Variants in KCTD18 observed in about 807,000 individuals in gnomAD.
KCTD18 encodes potassium channel tetramerization domain containing 18, also known as BTB/POZ domain-containing protein KCTD18.
A neutral mutation model predicts 30.4 loss-of-function variants in KCTD18; 22 were observed. That is an observed-to-expected ratio of 0.72 (90% confidence interval 0.52 to 1.03). The LOEUF (loss-of-function observed/expected upper bound fraction) is 1.03. KCTD18 is among the 50% of genes least tolerant of loss of function. The pLI is 0.00. For synonymous variants in KCTD18, 186 were observed against 209.0 expected, an observed-to-expected ratio of 0.89 and a Z score of 0.95; for missense variants, 529 against 547.6, an observed-to-expected ratio of 0.97 and a Z score of 0.34.
chr2:200,505,510 T>A (rs2030140321), intron 2 of KCTD18, among the ~76,000 whole-genome samples: 1 of 152,222 alleles, frequency 6.6e-6, no homozygotes, highest in African/African-American at 2.4e-5. Context: ...CTGAGATCCA[T>A]TTAGAACTTT....
chr2:200,501,040 T>C (rs1186598298), intron 3 of KCTD18, among the ~76,000 whole-genome samples: 1 of 151,836 alleles, frequency 6.6e-6, no homozygotes, highest in Non-Finnish European at 1.5e-5. Context: ...GGAGAAAGGA[T>C]TCCCTATTTA....
intron 1 of KCTD18, among the ~76,000 whole-genome samples, chr2:200,509,426 G>C (rs1463791952): frequency 6.6e-6 from 1 of 152,020 alleles, no homozygotes. Context: ...GCAGCACCCC[G>C]ATCCCGAGGA....
intron 4 of KCTD18, 47 bp downstream of exon 4, chr2:200,498,844 G>A: frequency 6.5e-7 from 1 of 1,538,534 alleles, no homozygotes; most frequent in Non-Finnish European, 9.0e-7. Context: ...TCTTAAAAGA[G>A]ACCAAGACTT....
intron 2 of KCTD18, among the ~76,000 whole-genome samples, chr2:200,505,339 G>A (rs898111708): frequency 6.6e-6 from 1 of 152,158 alleles, no homozygotes; most frequent in African/African-American, 2.4e-5. Context: ...GGGCAAGAGA[G>A]GCTAAAACCA....
chr2:200,505,862 T>TAA (rs145865034), intron 2 of KCTD18, among the ~76,000 whole-genome samples: 3 of 145,272 alleles, frequency 2.1e-5, no homozygotes, highest in Non-Finnish European at 4.5e-5. Context: ...TTAGCAGAAT[T>TAA]AAAAAAAAAA....
chr2:200,507,938 T>C (rs1010529518), intron 1 of KCTD18, among the ~76,000 whole-genome samples: 3 of 152,172 alleles, frequency 2.0e-5, no homozygotes, highest in Non-Finnish European at 4.4e-5. Flanking sequence ...CCTTCCGAAG[T>C]GCTGAGTATA....
rs1282676953 is a variant in KCTD18, at chr2:200,493,174, C to T, written c.762G>A (p.Lys254=). The T allele has an allele frequency of 6.3e-7, 1 of 1,592,742 alleles. No individual in the cohort carries two copies. The highest frequency in any genetic ancestry group is 1.7e-5 in the Admixed American group (1 of 60,006). ...ATAAACAACACAGCATAGATAACCT[C>T]TTTCGAATTGGAGCCATGTGACGCA... ...GSLRHMAPIR[K]RRLITFNEAD... Residue 254 remains lysine, a splice_region_variant and synonymous_variant, in exon 6 of 7, where the codon AAG becomes AAA. Transcript: ENST00000359878.
rs1001230096 is a variant in KCTD18 at position 200,509,951 on chromosome 2, C to A, written c.-399G>T. On this transcript the variant is annotated 5_prime_UTR_variant, in exon 1 of 7. Transcript: ENST00000359878. ...GCCGCCTTCCGGGCCCGCGGCCCAT[C>A]CCGCGCCCGGCTCTTCCGCACCGGG... 2.0e-5 allele frequency: 3 copies of A among 151,042 alleles called. No homozygotes were observed. Among genetic ancestry groups the A allele is most frequent in the Non-Finnish European group, 3.0e-5 (2 of 67,590 alleles). The allele number at this position is 151,042 out of a possible 1,614,324, so 9.4% of individuals were successfully genotyped here.
Position 200,490,560 on chromosome 2 carries a change from T to C in KCTD18, c.821A>G (p.Lys274Arg), listed in dbSNP as rs2087899516. 3 of 1,601,330 alleles carry C rather than the reference T, an allele frequency of 1.9e-6. No individual in the cohort carries two copies. The highest frequency in any genetic ancestry group is 2.5e-6 in the Non-Finnish European group (3 of 1,179,952). ...GGAAGGGCCCAAAAATCTAACTGGCTTAGGACCAGTCTTATAGTTCACACT... is the reference window on the plus strand; with the variant it reads ...GGAAGGGCCCAAAAATCTAACTGGCCTAGGACCAGTCTTATAGTTCACACT... ...DESVNYKTGP[K>R]PVRFLGPSTS... Residue 274 changes from lysine to arginine, a missense_variant, in exon 7 of 7, where the codon AAG (lysine) becomes AGG (arginine). Transcript: ENST00000359878.
Position 200,493,292 on chromosome 2 carries a change from A to C in KCTD18, c.662-18T>G. 7.1e-7 allele frequency: 1 copy of C among 1,417,140 alleles called. No homozygotes were observed. The highest frequency in any genetic ancestry group is 1.1e-5 in the South Asian group (1 of 87,068). 87.8% of individuals were successfully genotyped at this position (1,417,140 alleles called of 1,614,324 possible). A position where few individuals can be genotyped will look rare whatever the true frequency, so the allele number is the denominator to read the frequency against. ...GCTAACACCTGGAAGGTAAAAAGAC[A>C]TAATTAAGACAGCTACCATCCACTG... is the stretch of plus-strand genomic sequence containing the variant. On this transcript the variant is annotated intron_variant, in intron 5 of 6. Transcript: ENST00000359878.
At chr2:200,494,450 T>C (rs2087967833) in intron 5 of KCTD18, among the ~76,000 whole-genome samples, 1 of 152,214 alleles carries the variant, frequency 6.6e-6, no homozygotes, top group Non-Finnish European at 1.5e-5. Flanking sequence ...TGGAGTAATC[T>C]AAGTCCCAAT....
chr2:200,502,378 C>T (rs898183832), intron 3 of KCTD18, among the ~76,000 whole-genome samples: 3 of 151,890 alleles, frequency 2.0e-5, no homozygotes, highest in African/African-American at 7.3e-5. Flanking sequence ...GAGTAATTTC[C>T]CCAAAATTTC....
At chr2:200,494,248 T>C (rs1454988079) in intron 5 of KCTD18, among the ~76,000 whole-genome samples, 3 of 152,272 alleles carry the variant, frequency 2.0e-5, no homozygotes, top group East Asian at 3.9e-4. Flanking sequence ...GGGGTTCCTT[T>C]TGGGGTGATG....
chr2:200,488,994 T>C lies in KCTD18; in HGVS notation c.*1106A>G, dbSNP rs1333483686. The C allele has an allele frequency of 1.3e-5, 2 of 152,240 alleles. No homozygotes were observed. The highest frequency in any genetic ancestry group is 4.8e-5 in the African/African-American group (2 of 41,458). The allele number at this position is 152,240 out of a possible 1,614,324, so 9.4% of individuals were successfully genotyped here. ...AAGTTTTATTTGATTTTGTAAAACG[T>C]AATGTTTTGAGTATACTTACTTTAC... On this transcript the variant is annotated 3_prime_UTR_variant, in exon 7 of 7. Coordinates refer to ENST00000359878, the MANE Select transcript of KCTD18 (RefSeq NM_152387.4).
At position 200,506,854 on chromosome 2, in the gene KCTD18, T is replaced by C. The variant is rs1362931460; in HGVS notation, c.160+3A>G. The stretch of plus-strand genomic sequence containing the variant: ...ATCATGCTTTCAGACTTTAGACATT[T>C]ACCTGACTCATCTGTTTTTAGAGGA... On this transcript the variant is annotated splice_donor_region_variant and intron_variant, in intron 2 of 6. Coordinates refer to ENST00000359878, the MANE Select transcript of KCTD18 (RefSeq NM_152387.4). 2.5e-6 allele frequency: 4 copies of C among 1,613,186 alleles called. No homozygotes were observed. The highest frequency in any genetic ancestry group is 3.4e-6 in the Non-Finnish European group (4 of 1,179,724).
intron 3 of KCTD18, among the ~76,000 whole-genome samples, chr2:200,503,368 C>T (rs2029979929): frequency 6.6e-6 from 1 of 152,128 alleles, no homozygotes; most frequent in South Asian, 2.1e-4. Context: ...GAATTCCCAA[C>T]TATACTATAA....
chr2:200,490,642 T>G, intron 6 of KCTD18, 26 bp from the exon 7 acceptor site: 6 of 1,552,404 alleles, frequency 3.9e-6, no homozygotes, highest in Non-Finnish European at 5.2e-6. Flanking sequence ...CGTGTCATTT[T>G]CCACATGTAT....
rs1233420263 is a variant in KCTD18 at position 200,504,900 on chromosome 2, C to T, written c.220G>A (p.Gly74Arg). ...TCATCTGTGGGAATCTGAACTTCTC[C>T]ATGAAGGTAATCCAAAAGGTATTTA... ...LFKYLLDYLH[G>R]EVQIPTDEQT... The change falls in exon 3 of 7, where the codon GGA becomes AGA. Residue 74 changes from glycine (G) to arginine (R), a missense_variant. Coordinates refer to ENST00000359878, the MANE Select transcript of KCTD18 (RefSeq NM_152387.4). The T allele has an allele frequency of 6.2e-7, 1 of 1,614,134 alleles. No homozygotes were observed. Among genetic ancestry groups the T allele is most frequent in the Admixed American group, 1.7e-5 (1 of 60,014 alleles).
At chr2:200,492,088 G>C (rs544265000) in intron 6 of KCTD18, among the ~76,000 whole-genome samples, 9 of 152,264 alleles carry the variant, frequency 5.9e-5, no homozygotes, top group South Asian at 4.2e-4. Flanking sequence ...CTAACACAGA[G>C]GAGGGTCTCC....
Sources: gnomAD v4.1 joint callset for allele counts (sites outside exome capture counted in the v4.1 genomes callset) on GRCh38, gnomAD v4.1.1 for gene constraint, MANE v1.5 for transcripts, NCBI Gene and HGNC (gene_info 2026-07-23, HGNC 2026-07-21) for gene names.